Variants in CHN2 observed in about 807,000 individuals in gnomAD.
CHN2 encodes chimerin 2.
CHN2 carries 35 observed loss-of-function variants against 56.3 expected under a neutral mutation model. That is an observed-to-expected ratio of 0.62 (90% CI 0.47 to 0.82). CHN2 has a LOEUF of 0.82. Among genes scored for constraint, CHN2 ranks in the 40% least tolerant of loss-of-function variants. The pLI, the probability that CHN2 is intolerant of heterozygous loss-of-function variation, is 0.00. For synonymous variants in CHN2, 210 were observed against 212.8 expected, an observed-to-expected ratio of 0.99 and a Z score of 0.12; for missense variants, 491 against 580.5, an observed-to-expected ratio of 0.85 and a Z score of 1.58.
chr7:29,223,010 A>G (rs1785923718), intron 1 of CHN2, among the ~76,000 whole-genome samples: 2 of 152,178 alleles, frequency 1.3e-5, no homozygotes, highest in African/African-American at 2.4e-5. Context: ...CAGCAGTTGG[A>G]AAAGTACACT....
At chr7:29,323,769 G>A (rs920328793) in intron 1 of CHN2, among the ~76,000 whole-genome samples, 8 of 151,876 alleles carry the variant, frequency 5.3e-5, no homozygotes, top group African/African-American at 7.3e-5. Flanking sequence ...AGGCCGAGGC[G>A]GGCGGATCAC....
rs145217173 is a variant in CHN2, at chr7:29,434,531, A to G, written c.576+33703A>G. 7.3e-3 allele frequency among the ~76,000 whole-genome samples: 1,114 copies of G among 151,924 alleles called. 12 individuals are homozygous for G. The highest frequency in any genetic ancestry group is 0.026 in the African/African-American group (1,067 of 41,432). ...AGCAGTCCTTGACTACCTCATTCCA[A>G]TCTCTGCCTCCATTGTCACATGGCA... On this transcript the variant is annotated intron_variant, in intron 6 of 12. Coordinates refer to ENST00000222792, the MANE Select transcript of CHN2 (RefSeq NM_004067.4).
chr7:29,510,892 C>T (rs1475653580), intron 12 of CHN2, among the ~76,000 whole-genome samples: 1 of 152,028 alleles, frequency 6.6e-6, no homozygotes, highest in Non-Finnish European at 1.5e-5. Flanking sequence ...GAGATGGAGA[C>T]GTCTGGATGT....
intron 1 of CHN2, among the ~76,000 whole-genome samples, chr7:29,291,375 C>T (rs1792611701): frequency 6.6e-6 from 1 of 152,084 alleles, no homozygotes; most frequent in East Asian, 1.9e-4. Context: ...TCCTGACATT[C>T]CCGGTTGGTG....
chr7:29,180,149 G>C (rs1797878524), intron 2 of CHN2, among the ~76,000 whole-genome samples: 1 of 152,052 alleles, frequency 6.6e-6, no homozygotes, highest in African/African-American at 2.4e-5. Flanking sequence ...TTTTTTATTA[G>C]AAAGGAAAAT....
At chr7:29,164,779 CAAAA>C (rs55742522) in intron 2 of CHN2, among the ~76,000 whole-genome samples, 3 of 85,870 alleles carry the variant, frequency 3.5e-5, no homozygotes, top group Admixed American at 1.4e-4. Context: ...AGACCTGTCT[CAAAA>C]AAAAAAAAAA....
intron 1 of CHN2, among the ~76,000 whole-genome samples, chr7:29,336,795 A>T (rs1796661673): frequency 7.5e-6 from 1 of 133,090 alleles, no homozygotes. Flanking sequence ...AAAAAGCTTC[A>T]CATGCAAACC....
chr7:29,419,966 A>G (rs1015807671), intron 6 of CHN2, among the ~76,000 whole-genome samples: 1 of 152,002 alleles, frequency 6.6e-6, no homozygotes, highest in Non-Finnish European at 1.5e-5. Flanking sequence ...AGGCCGAGGC[A>G]GAAGAATTGC....
chr7:29,366,534 C>T, intron 2 of CHN2, among the ~76,000 whole-genome samples: 1 of 152,180 alleles, frequency 6.6e-6, no homozygotes, highest in Non-Finnish European at 1.5e-5. Context: ...TCCCACTAGT[C>T]CCACTTTCCA....
At chr7:29,160,114 C>T (rs1404115570) in intron 2 of CHN2, among the ~76,000 whole-genome samples, 1 of 152,138 alleles carries the variant, frequency 6.6e-6, no homozygotes, top group Non-Finnish European at 1.5e-5. Flanking sequence ...AGCTCACTTT[C>T]CTAAGATCAA....
intron 6 of CHN2, among the ~76,000 whole-genome samples, chr7:29,468,197 T>C (rs960647912): frequency 1.5e-5 from 2 of 130,400 alleles, no homozygotes; most frequent in Non-Finnish European, 3.1e-5. Flanking sequence ...AGATTGATGA[T>C]GCCATACTTC....
Position 29,289,478 on chromosome 7 carries a change from G to A in CHN2, c.50-65147G>A, listed in dbSNP as rs1189561548. On this transcript the variant is annotated intron_variant, in intron 1 of 12. Coordinates refer to ENST00000222792, the MANE Select transcript of CHN2 (RefSeq NM_004067.4). ...CAGCAGGACTACGGGTTAGGCATGA[G>A]TAAGCCGACGGGAGAGGGAGGCACA... Among the ~76,000 whole-genome samples, 6 of 152,320 alleles carry A rather than the reference G, an allele frequency of 3.9e-5. No individual in the cohort carries two copies. In the South Asian group the frequency reaches 8.3e-4, roughly 21 times the overall value.
chr7:29,422,266 C>A (rs1804422385), intron 6 of CHN2, among the ~76,000 whole-genome samples: 1 of 152,168 alleles, frequency 6.6e-6, no homozygotes, highest in South Asian at 2.1e-4. Context: ...CCTCTTTCAG[C>A]CTGAGCTTTA....
intron 1 of CHN2, among the ~76,000 whole-genome samples, chr7:29,286,212 CT>C (rs57926463): frequency 0.013 from 1,686 of 133,302 alleles, 28 homozygotes; most frequent in African/African-American, 0.041. Flanking sequence ...TCTCTCTCAT[CT>C]TTTTTTTTTT....
At chr7:29,482,940 G>A (rs142926769) in intron 7 of CHN2, among the ~76,000 whole-genome samples, 2 of 148,400 alleles carry the variant, frequency 1.3e-5, no homozygotes, top group Non-Finnish European at 3.0e-5. Context: ...TCCTGCCTCA[G>A]CCTCCCAAGT....
chr7:29,376,242 A>G (rs1283301096), intron 3 of CHN2: 2 of 152,248 alleles, frequency 1.3e-5, no homozygotes, highest in African/African-American at 4.8e-5. Context: ...CATATGGAGT[A>G]CTTCCTGTGC....
At chr7:29,457,651 C>T (rs1034671788) in intron 6 of CHN2, among the ~76,000 whole-genome samples, 4 of 152,178 alleles carry the variant, frequency 2.6e-5, no homozygotes, top group African/African-American at 9.7e-5. Context: ...CCTTGGAGAA[C>T]TCTCTCCCTT....
intron 9 of CHN2, among the ~76,000 whole-genome samples, chr7:29,503,213 TATGAG>T (rs1790167057): frequency 6.6e-6 from 1 of 152,132 alleles, no homozygotes; most frequent in Non-Finnish European, 1.5e-5. Flanking sequence ...CTAATATCCT[TATGAG>T]AAGAGACACC....
Position 29,367,953 on chromosome 7 carries a change from C to T in CHN2, c.110C>T (p.Ala37Val). The T allele has an allele frequency of 1.2e-6, 2 of 1,611,300 alleles. No homozygotes were observed. Among genetic ancestry groups the T allele is most frequent in the African/African-American group, 1.3e-5 (1 of 74,874 alleles). The change falls in exon 3 of 13, where the codon GCA becomes GTA. Residue 37 changes from alanine to valine, a missense_variant. Coordinates refer to ENST00000222792, the MANE Select transcript of CHN2 (RefSeq NM_004067.4). Reference sequence around the variant, plus strand: ...GCAGTATATCAGTTACAGCAAGAGGCACCTCGTCCCAAGAGAATCATTTGT... The same window carrying T: ...GCAGTATATCAGTTACAGCAAGAGGTACCTCGTCCCAAGAGAATCATTTGT... ...KSYLYQLQQEAPRPKRIICPR... is the reference protein window; with the variant it reads ...KSYLYQLQQEVPRPKRIICPR...
Sources: gnomAD v4.1 joint callset for allele counts (sites outside exome capture counted in the v4.1 genomes callset) on GRCh38, gnomAD v4.1.1 for gene constraint, MANE v1.5 for transcripts, NCBI Gene and HGNC (gene_info 2026-07-23, HGNC 2026-07-21) for gene names.